Variants in ZBTB7A observed in about 807,000 individuals in gnomAD.
ZBTB7A encodes zinc finger and BTB domain containing 7A, also known as zinc finger and BTB domain-containing protein 7A.
ZBTB7A carries 7 observed loss-of-function variants against 26.7 expected under a neutral mutation model. That is an observed-to-expected ratio of 0.26 (90% CI 0.15 to 0.49). The LOEUF is 0.49. Among genes scored for constraint, ZBTB7A ranks in the 20% least tolerant of loss-of-function variants. The pLI, the probability that ZBTB7A is intolerant of heterozygous loss-of-function variation, is 0.98. For synonymous variants in ZBTB7A, 452 were observed against 441.0 expected (o/e 1.02, Z -0.31); for missense variants, 617 against 919.5 (o/e 0.67, Z 4.25).
At position 4,048,883 on chromosome 19, in the gene ZBTB7A, G is replaced by T. The variant is rs998997965; in HGVS notation, c.1263-639C>A. On this transcript the variant is annotated intron_variant, in intron 2 of 2. Transcript: ENST00000322357. This position sits in a 1 kb window ranked among gnomAD's most constrained non-coding sequence, Gnocchi z 6.7. ...AAATCTGCCAGGCGTGGTGGCGCAG[G>T]CCTATAATCCCAGCTACTTGGGAGG... is the stretch of plus-strand genomic sequence containing the variant. Among the ~76,000 whole-genome samples, 2 of 150,438 alleles carry T rather than the reference G, an allele frequency of 1.3e-5. No homozygotes were observed. The highest frequency in any genetic ancestry group is 4.9e-5 in the African/African-American group (2 of 40,916).
intron 1 of ZBTB7A, among the ~76,000 whole-genome samples, chr19:4,065,063 C>T (rs1393097006): frequency 2.0e-5 from 3 of 151,648 alleles, no homozygotes; most frequent in Non-Finnish European, 3.0e-5. Context: ...GTCTCCCGCC[C>T]GGGAGGTAGG....
chr19:4,055,450 C>T (rs960625387), intron 1 of ZBTB7A: 2 of 985,352 alleles, frequency 2.0e-6, no homozygotes, highest in African/African-American at 1.7e-5. Flanking sequence ...GATACATGCC[C>T]TGCCTCCAGC....
intron 1 of ZBTB7A, among the ~76,000 whole-genome samples, chr19:4,060,947 G>C (rs1303668223): frequency 6.6e-6 from 1 of 152,166 alleles, no homozygotes; most frequent in African/African-American, 2.4e-5. Flanking sequence ...GTGCAGAGCA[G>C]CTCGGGTTCA....
rs1396362012 is a variant in ZBTB7A, at chr19:4,049,212, A to AT, written c.1263-969_1263-968insA. 2.9e-3 allele frequency among the ~76,000 whole-genome samples: 67 copies of AT among 23,196 alleles called. 8 individuals are homozygous for AT. The East Asian group carries it at 0.049, about 17-fold the overall frequency. 15.2% of individuals were successfully genotyped at this position (23,196 alleles called of 152,430 possible). On this transcript the variant is annotated intron_variant, in intron 2 of 2. Transcript: ENST00000322357. ...TATATATATATATATATATATATGT[A>AT]AGTTTGAGAGATGGGGGTTGAGCTA...
At position 4,046,293 on chromosome 19, in the gene ZBTB7A, C is replaced by T. The variant is rs1194285636; in HGVS notation, c.*1459G>A. 2 of 386,428 alleles carry T rather than the reference C, an allele frequency of 5.2e-6. No individual in the cohort carries two copies. Among genetic ancestry groups the T allele is most frequent in the Non-Finnish European group, 9.1e-6 (2 of 219,098 alleles). The allele number at this position is 386,428 out of a possible 1,614,324, so 23.9% of individuals were successfully genotyped here. A position where few individuals can be genotyped will look rare whatever the true frequency, so the allele number is the denominator to read the frequency against. On this transcript the variant is annotated 3_prime_UTR_variant, in exon 3 of 3. Coordinates refer to ENST00000322357, the MANE Select transcript of ZBTB7A (RefSeq NM_015898.4). ...CCCTGCGATGGCTTCCTCCTGAACC[C>T]CCCTTCTCGCTTTTTGGGGAACAGA...
At chr19:4,049,263 C>T (rs1192450626) in intron 2 of ZBTB7A, among the ~76,000 whole-genome samples, 1 of 138,702 alleles carries the variant, frequency 7.2e-6, no homozygotes, top group African/African-American at 2.7e-5. Context: ...TCTCAAACTC[C>T]TGGGCTCAAG....
intron 1 of ZBTB7A, among the ~76,000 whole-genome samples, chr19:4,055,702 AGT>A (rs1479020089): frequency 6.6e-6 from 1 of 152,160 alleles, no homozygotes; most frequent in African/African-American, 2.4e-5. Context: ...GGGGGCCTGT[AGT>A]TCCAGCTACT....
rs561543622 is a variant in ZBTB7A, at chr19:4,052,820, G to C, written c.1262+1151C>G. On this transcript the variant is annotated intron_variant, in intron 2 of 2. Coordinates refer to ENST00000322357, the MANE Select transcript of ZBTB7A (RefSeq NM_015898.4). This position sits in a 1 kb window ranked among gnomAD's most constrained non-coding sequence, Gnocchi z 4.9. Reference sequence around the variant, plus strand: ...AGGGACCAAGTCCTGTGGCTCCCAGGGGGGCACAGTGATCTCTCAAGCTGA... The same window carrying C: ...AGGGACCAAGTCCTGTGGCTCCCAGCGGGGCACAGTGATCTCTCAAGCTGA... Among the ~76,000 whole-genome samples, 2 of 152,292 alleles carry C rather than the reference G, an allele frequency of 1.3e-5. No homozygotes were observed. Among genetic ancestry groups the C allele is most frequent in the Admixed American group, 6.5e-5 (1 of 15,302 alleles).
At chr19:4,053,937 C>T in intron 2 of ZBTB7A, 34 bp downstream of exon 2, 7 of 1,554,834 alleles carry the variant, frequency 4.5e-6, no homozygotes, top group South Asian at 1.2e-5. Flanking sequence ...GGGCAGAGAG[C>T]AGGACGGCGC....
At chr19:4,053,553 TGGTGTGCGTGTGTGTGCGCGCATGTC>T (rs1395527763) in intron 2 of ZBTB7A, among the ~76,000 whole-genome samples, 23 of 144,204 alleles carry the variant, frequency 1.6e-4, no homozygotes, top group African/African-American at 4.7e-4. Context: ...GATGTGTATG[TGGTGTGCGTGTGTGTGCGCGCATGTC>T]GGTGTGCGTG....
At chr19:4,050,475 G>A (rs1292891516) in intron 2 of ZBTB7A, among the ~76,000 whole-genome samples, 3 of 152,176 alleles carry the variant, frequency 2.0e-5, no homozygotes, top group East Asian at 1.9e-4. Context: ...TGCCTGTCTC[G>A]CCCCATGGGG....
In ZBTB7A at chr19:4,053,603, G is replaced by A. The variant is rs528574220; in HGVS notation, c.1262+368C>T. On this transcript the variant is annotated intron_variant, in intron 2 of 2. Coordinates refer to ENST00000322357, the MANE Select transcript of ZBTB7A (RefSeq NM_015898.4). ...TCGGTGTGCGTGTGTGTGCGTGCAT[G>A]TGTATGTGATGTGTATGTGGTGTGC... Among the ~76,000 whole-genome samples, 10 of 151,134 alleles carry A rather than the reference G, an allele frequency of 6.6e-5. No homozygotes were observed. The South Asian group carries it at 1.9e-3, about 28-fold the overall frequency.
chr19:4,062,039 G>C (rs531651521), intron 1 of ZBTB7A: 1 of 152,426 alleles, frequency 6.6e-6, no homozygotes, highest in Non-Finnish European at 1.5e-5. Context: ...CCCTGAGGGA[G>C]GCCTGCTTGT....
chr19:4,064,950 C>G (rs114950810), intron 1 of ZBTB7A, among the ~76,000 whole-genome samples: 5,653 of 152,104 alleles, frequency 0.037, 123 homozygotes, highest in South Asian at 0.056. Flanking sequence ...CCAGCCAGCC[C>G]GGGCAGCGCC....
Position 4,054,287 on chromosome 19 carries a change from C to G in ZBTB7A, c.946G>C (p.Ala316Pro). ...ATCATCTGCTGCAGCAGCGTGCTGGCCGCCAGCCCGTCCACGTCGGGCCCG... is the reference window on the plus strand; with the variant it reads ...ATCATCTGCTGCAGCAGCGTGCTGGGCGCCAGCCCGTCCACGTCGGGCCCG... ...GDGPDVDGLA[A>P]STLLQQMMSS... is the part of the protein sequence containing the mutation. The change falls in exon 2 of 3, where the codon GCC becomes CCC. Residue 316 changes from alanine to proline, a missense_variant. Ala to Pro is a conservative substitution (Grantham distance 27). Transcript: ENST00000322357. 1.3e-6 allele frequency: 2 copies of G among 1,546,348 alleles called. No homozygotes were observed. The highest frequency in any genetic ancestry group is 2.3e-5 in the South Asian group (2 of 86,438).
intron 1 of ZBTB7A, among the ~76,000 whole-genome samples, chr19:4,056,666 G>A (rs1422867742): frequency 1.3e-5 from 2 of 152,054 alleles, no homozygotes; most frequent in East Asian, 1.9e-4. Flanking sequence ...TCAGGAGATC[G>A]AGACCATCCT....
rs907928762 is a variant in ZBTB7A, at chr19:4,045,026, A to ACG, written c.*2724_*2725dup. Reference sequence around the variant, plus strand: ...CCATGCAGAGGCTGTGGCCCCCAGGACGGGCGGGTAGTTAAGGCAAAGTGG... The same window carrying ACG: ...CCATGCAGAGGCTGTGGCCCCCAGGACGCGGGCGGGTAGTTAAGGCAAAGTGG... On this transcript the variant is annotated 3_prime_UTR_variant, in exon 3 of 3. Coordinates refer to ENST00000322357, the MANE Select transcript of ZBTB7A (RefSeq NM_015898.4). This position sits in a 1 kb window ranked among gnomAD's most constrained non-coding sequence, Gnocchi z 4.1. 1.3e-5 allele frequency: 2 copies of ACG among 151,876 alleles called. No individual in the cohort carries two copies. The highest frequency in any genetic ancestry group is 4.8e-5 in the African/African-American group (2 of 41,276). The allele number at this position is 151,876 out of a possible 1,614,324, so 9.4% of individuals were successfully genotyped here.
chr19:4,066,393 G>T (rs1217485968), intron 1 of ZBTB7A, among the ~76,000 whole-genome samples: 1 of 132,156 alleles, frequency 7.6e-6, no homozygotes, highest in Non-Finnish European at 1.6e-5. Context: ...CTCCCCGCGC[G>T]CCTGGGAGCC....
At position 4,052,620 on chromosome 19, in the gene ZBTB7A, G is replaced by A. The variant is rs1326563774; in HGVS notation, c.1262+1351C>T. Among the ~76,000 whole-genome samples the A allele has an allele frequency of 6.6e-6, 1 of 151,986 alleles. No homozygotes were observed. The highest frequency in any genetic ancestry group is 1.5e-5 in the Non-Finnish European group (1 of 67,946). ...GGCGTGGCTGGGGGAACCCCAGGGC[G>A]GGCGGGGGGCAGGGGGTGGTGCTGA... On this transcript the variant is annotated intron_variant, in intron 2 of 2. Transcript: ENST00000322357. This position sits in a 1 kb window ranked among gnomAD's most constrained non-coding sequence, Gnocchi z 4.9.
Sources: gnomAD v4.1 joint callset for allele counts (sites outside exome capture counted in the v4.1 genomes callset) on GRCh38, gnomAD v4.1.1 for gene constraint, Gnocchi (gnomAD v3.1) non-coding constraint, MANE v1.5 for transcripts, NCBI Gene and HGNC (gene_info 2026-07-23, HGNC 2026-07-21) for gene names.